The following CDK6 variants were observed in gnomAD, a reference collection of about 807,000 sequenced individuals.
The protein encoded by CDK6 is cyclin dependent kinase 6, also known as cyclin-dependent kinase 6.
Under a neutral mutation model 37.1 loss-of-function variants are expected in CDK6, and 6 were observed. The observed-to-expected ratio is 0.16, with a 90% CI of 0.09 to 0.32. The LOEUF (loss-of-function observed/expected upper bound fraction) is 0.32. Among genes scored for constraint, CDK6 ranks in the 10% least tolerant of loss-of-function variants. The pLI is 1.00. For synonymous variants in CDK6, 160 were observed against 161.3 expected (o/e 0.99, Z 0.06); for missense variants, 224 against 418.9 (o/e 0.53, Z 4.06).
In CDK6 at chr7:92,612,451, T is replaced by C. The variant is rs930303833; in HGVS notation, c.*2689A>G. ...ACGGCAAGACTGCTTGTGTTGGATC[T>C]GGATTTCAGAAATGGCGAATCTGGA... is the stretch of plus-strand genomic sequence containing the variant. On this transcript the variant is annotated 3_prime_UTR_variant, in exon 8 of 8. Transcript: ENST00000424848. 24 of 233,026 alleles carry C rather than the reference T, an allele frequency of 1.0e-4. No individual in the cohort carries two copies. Among genetic ancestry groups the C allele is most frequent in the African/African-American group, 5.3e-4 (24 of 45,358 alleles). 14.4% of individuals were successfully genotyped at this position (233,026 alleles called of 1,614,324 possible).
chr7:92,772,831 C>T (rs988717896), intron 3 of CDK6, among the ~76,000 whole-genome samples: 3 of 152,066 alleles, frequency 2.0e-5, no homozygotes, highest in Non-Finnish European at 2.9e-5. Flanking sequence ...GATGCCTTTG[C>T]AAATGATTCC....
chr7:92,773,134 T>C (rs1003301189), intron 3 of CDK6, among the ~76,000 whole-genome samples: 3 of 152,202 alleles, frequency 2.0e-5, no homozygotes, highest in Admixed American at 6.5e-5. Context: ...GTATAAATCA[T>C]TGTGTAAGAC....
chr7:92,819,383 G>GGGTCC (rs1801113648), intron 2 of CDK6, among the ~76,000 whole-genome samples: 1 of 152,096 alleles, frequency 6.6e-6, no homozygotes, highest in African/African-American at 2.4e-5. Flanking sequence ...AGGGGTCCTG[G>GGGTCC]TAGAGGGAGG....
At chr7:92,697,176 A>G (rs1174741780) in intron 4 of CDK6, among the ~76,000 whole-genome samples, 1 of 152,230 alleles carries the variant, frequency 6.6e-6, no homozygotes, top group East Asian at 1.9e-4. Context: ...AATAGTAATC[A>G]TAACTATCGG....
At chr7:92,695,453 T>C (rs1797695298) in intron 4 of CDK6, among the ~76,000 whole-genome samples, 1 of 152,082 alleles carries the variant, frequency 6.6e-6, no homozygotes, top group Admixed American at 6.5e-5. Flanking sequence ...ATAAAAGAGC[T>C]CTTCTGGGTT....
At chr7:92,771,546 C>A (rs943809581) in intron 3 of CDK6, among the ~76,000 whole-genome samples, 4 of 152,082 alleles carry the variant, frequency 2.6e-5, no homozygotes, top group Non-Finnish European at 4.4e-5. Context: ...CTTGAAAATA[C>A]CCCTAAACTA....
At chr7:92,722,168 A>AATAT (rs553186328) in intron 4 of CDK6, among the ~76,000 whole-genome samples, 1 of 151,908 alleles carries the variant, frequency 6.6e-6, no homozygotes, top group Non-Finnish European at 1.5e-5. Context: ...TTATTATGTA[A>AATAT]ATATATATAT....
intron 2 of CDK6, among the ~76,000 whole-genome samples, chr7:92,823,690 T>TA (rs1335193530): frequency 6.6e-6 from 1 of 151,518 alleles, no homozygotes; most frequent in Admixed American, 6.6e-5. Context: ...CTATATCAGC[T>TA]AAAACTCCCA....
At chr7:92,643,559 C>G (rs1307374160) in intron 5 of CDK6, among the ~76,000 whole-genome samples, 1 of 152,194 alleles carries the variant, frequency 6.6e-6, no homozygotes, top group African/African-American at 2.4e-5. Context: ...GAAAAAGCCT[C>G]TTTAAGGAGG....
intron 5 of CDK6, among the ~76,000 whole-genome samples, chr7:92,669,478 AG>A (rs1185381244): frequency 2.0e-5 from 3 of 152,218 alleles, no homozygotes; most frequent in African/African-American, 7.2e-5. Flanking sequence ...TAATTGTTGA[AG>A]GACTCTGTCT....
intron 2 of CDK6, among the ~76,000 whole-genome samples, chr7:92,801,697 C>G (rs1800579924): frequency 6.6e-6 from 1 of 151,612 alleles, no homozygotes; most frequent in Admixed American, 6.6e-5. Flanking sequence ...TATCGGTTCA[C>G]TGTCACCCCC....
At chr7:92,628,568 CCTT>C (rs983654688) in intron 5 of CDK6, among the ~76,000 whole-genome samples, 2 of 151,970 alleles carry the variant, frequency 1.3e-5, no homozygotes, top group African/African-American at 4.8e-5. Context: ...GCTTTCTGTC[CCTT>C]CTTTTCTTCA....
chr7:92,740,669 C>G (rs774207981), intron 3 of CDK6, among the ~76,000 whole-genome samples: 9 of 152,050 alleles, frequency 5.9e-5, no homozygotes, highest in East Asian at 1.9e-4. Context: ...TCTCAGCAAC[C>G]CCTTGAATAA....
chr7:92,833,688 C>T lies in CDK6; in HGVS notation c.-365G>A. 1 of 446,406 alleles carries T rather than the reference C, an allele frequency of 2.2e-6. No homozygotes were observed. The allele number at this position is 446,406 out of a possible 1,614,324, so 27.7% of individuals were successfully genotyped here. ...AGCGCGTCTCAGTCCAGAATCATTG[C>T]ACCTAAAGGAGGAGACGGGAGGATA... On this transcript the variant is annotated splice_region_variant and 5_prime_UTR_variant, in exon 2 of 8. Coordinates refer to ENST00000424848, the MANE Select transcript of CDK6 (RefSeq NM_001145306.2). The surrounding 1 kb of genome is among the most constrained non-coding windows in gnomAD (Gnocchi z 6.1).
chr7:92,733,600 T>C (rs1244178378), intron 3 of CDK6, among the ~76,000 whole-genome samples: 1 of 152,200 alleles, frequency 6.6e-6, no homozygotes, highest in Non-Finnish European at 1.5e-5. Context: ...AATGGTTCTA[T>C]ATTTTTCTAT....
intron 2 of CDK6, among the ~76,000 whole-genome samples, chr7:92,786,190 G>C (rs1343942067): frequency 6.6e-6 from 1 of 152,136 alleles, no homozygotes; most frequent in East Asian, 1.9e-4. Flanking sequence ...AAATGACTAA[G>C]CAGCCAAAAC....
chr7:92,606,416 G>A lies in CDK6; in HGVS notation c.*8724C>T, dbSNP rs1263922169. 2 of 233,442 alleles carry A rather than the reference G, an allele frequency of 8.6e-6. No individual in the cohort carries two copies. The highest frequency in any genetic ancestry group is 1.7e-5 in the Non-Finnish European group (2 of 118,176). 14.5% of individuals were successfully genotyped at this position (233,442 alleles called of 1,614,324 possible). Reference sequence around the variant, plus strand: ...GCACACCTGTGGTCCATGATGTGGAGGAAGATGGAGAGCACCATGTGGACA... The same window carrying A: ...GCACACCTGTGGTCCATGATGTGGAAGAAGATGGAGAGCACCATGTGGACA... On this transcript the variant is annotated 3_prime_UTR_variant, in exon 8 of 8. Transcript: ENST00000424848.
intron 2 of CDK6, among the ~76,000 whole-genome samples, chr7:92,806,395 TC>T (rs1232100889): frequency 6.6e-6 from 1 of 152,186 alleles, no homozygotes. Context: ...TGTCAGTGAT[TC>T]CCCCCACCAT....
intron 2 of CDK6, among the ~76,000 whole-genome samples, chr7:92,810,378 C>G (rs1800844682): frequency 6.6e-6 from 1 of 152,158 alleles, no homozygotes; most frequent in African/African-American, 2.4e-5. Context: ...AAATAACACC[C>G]TGGAGTCAAA....
Sources: allele counts gnomAD v4.1 joint callset (sites outside exome capture counted in the v4.1 genomes callset), GRCh38; gene constraint gnomAD v4.1.1; non-coding constraint Gnocchi (gnomAD v3.1); transcripts MANE v1.5; gene names NCBI Gene and HGNC (gene_info 2026-07-23, HGNC 2026-07-21).